ACAD9: variants seen among roughly 807,000 people sequenced by gnomAD.
ACAD9 encodes the protein complex I assembly factor ACAD9, mitochondrial.
In ACAD9, 53 loss-of-function variants were observed where a neutral mutation model predicts 70.2. The ratio of observed to expected loss-of-function variants is 0.75; its 90% CI spans 0.61 to 0.95. The LOEUF (loss-of-function observed/expected upper bound fraction) is 0.95, where lower values mean the gene tolerates loss of function less well. ACAD9 is among the 40% of genes least tolerant of loss of function. The pLI is 0.00. For synonymous variants in ACAD9, 313 were observed against 312.1 expected (o/e 1.00, Z -0.03); for missense variants, 777 against 802.8 (o/e 0.97, Z 0.39).
chr3:128,899,589 G>A, intron 7 of ACAD9, 128 bp downstream of exon 7: 1 of 1,071,012 alleles, frequency 9.3e-7, no homozygotes, highest in African/African-American at 1.6e-5. Flanking sequence ...CCTTGACTCT[G>A]TCCAAATAGC....
intron 12 of ACAD9, 29 bp from the exon 13 acceptor site, chr3:128,908,156 G>T: frequency 1.2e-6 from 2 of 1,611,064 alleles, no homozygotes; most frequent in Non-Finnish European, 1.7e-6. Flanking sequence ...CCGGGGGGCA[G>T]CCTTTGACCT....
At position 128,899,523 on chromosome 3, in the gene ACAD9, GGTGTGTGTGTGTGT is replaced by G. The variant is rs63473460; in HGVS notation, c.808+89_808+102del. 2.9e-3 allele frequency: 3,128 copies of G among 1,068,040 alleles called. 3 individuals are homozygous for G. Among genetic ancestry groups the G allele is most frequent in the South Asian group, 7.6e-3 (474 of 62,418 alleles). The allele number at this position is 1,068,040 out of a possible 1,614,324, so 66.2% of individuals were successfully genotyped here. A position where few individuals can be genotyped will look rare whatever the true frequency, so the allele number is the denominator to read the frequency against. ...TGTAAGGGGGAGACTGGCCTTTGAC[GGTGTGTGTGTGTGT>G]GTGTGTGTGTGTGTGTGTGTGTGTG... On this transcript the variant is annotated intron_variant, in intron 7 of 17. Transcript: ENST00000308982.
At chr3:128,886,381 G>A (rs1490550350) in intron 2 of ACAD9, among the ~76,000 whole-genome samples, 4 of 151,840 alleles carry the variant, frequency 2.6e-5, no homozygotes, top group South Asian at 4.2e-4. Context: ...GATTACAGGC[G>A]TGAGCCACCG....
chr3:128,913,005 T>G lies in ACAD9; in HGVS notation c.*398T>G, dbSNP rs1033279098. The G allele has an allele frequency of 4.3e-6, 2 of 461,096 alleles. No individual in the cohort carries two copies. The highest frequency in any genetic ancestry group is 2.0e-5 in the African/African-American group (1 of 50,240). The allele number at this position is 461,096 out of a possible 1,614,324, so 28.6% of individuals were successfully genotyped here. ...AACCACACATTCTCTAAGAAACAGC[T>G]TGAAAGCTCTGTCTGGGTCATTCAT... On this transcript the variant is annotated 3_prime_UTR_variant, in exon 18 of 18. Coordinates refer to ENST00000308982, the MANE Select transcript of ACAD9 (RefSeq NM_014049.5).
rs778832147 is a variant in ACAD9, at chr3:128,911,967, G to A, written c.1766-540G>A. ...TGCTCTTCCTCTTCTATAGCCACTC[G>A]ACCATATCTAGGAATGCCCAGCTCA... On this transcript the variant is annotated intron_variant, in intron 17 of 17. Coordinates refer to ENST00000308982, the MANE Select transcript of ACAD9 (RefSeq NM_014049.5). 2.6e-5 allele frequency among the ~76,000 whole-genome samples: 4 copies of A among 152,282 alleles called. No homozygotes were observed. In the South Asian group the frequency reaches 8.3e-4, roughly 32 times the overall value.
intron 3 of ACAD9, among the ~76,000 whole-genome samples, chr3:128,894,634 C>G (rs912227628): frequency 2.7e-5 from 4 of 150,726 alleles, no homozygotes; most frequent in African/African-American, 9.8e-5. Flanking sequence ...TCCTCGGGCT[C>G]AAACAATCCT....
At chr3:128,897,743 C>A in intron 6 of ACAD9, 33 bp downstream of exon 6, 1 of 1,594,950 alleles carries the variant, frequency 6.3e-7, no homozygotes, top group Non-Finnish European at 8.6e-7. Flanking sequence ...ACATTAGGGT[C>A]TCAGTCACAA....
At chr3:128,903,558 CT>C (rs1475069397) in intron 9 of ACAD9, among the ~76,000 whole-genome samples, 3 of 152,188 alleles carry the variant, frequency 2.0e-5, no homozygotes, top group Non-Finnish European at 1.5e-5. Context: ...CCATGTCACT[CT>C]TGGGCCCTTA....
At chr3:128,911,035 A>ATGTG (rs375679286) in intron 17 of ACAD9, among the ~76,000 whole-genome samples, 1 of 151,968 alleles carries the variant, frequency 6.6e-6, no homozygotes, top group East Asian at 1.9e-4. Context: ...GTATGTATAT[A>ATGTG]TGTGTGTGTG....
rs531217490 is a variant in ACAD9, at chr3:128,899,481, G to A, written c.808+20G>A. ...CCAACAGTAAGTAGCTCCTGTGCGC[G>A]CGTGCGCGTGTGTGTGTGTAAGGGG... On this transcript the variant is annotated intron_variant, in intron 7 of 17. Coordinates refer to ENST00000308982, the MANE Select transcript of ACAD9 (RefSeq NM_014049.5). 407 of 1,612,568 alleles carry A rather than the reference G, an allele frequency of 2.5e-4. 3 individuals are homozygous for A. In the South Asian group the frequency reaches 2.8e-3, roughly 11 times the overall value.
At chr3:128,894,508 G>A (rs545827237) in intron 3 of ACAD9, among the ~76,000 whole-genome samples, 28 of 151,134 alleles carry the variant, frequency 1.9e-4, no homozygotes, top group African/African-American at 6.1e-4. Flanking sequence ...ACAGAAATGC[G>A]CTTTCTGAGG....
chr3:128,899,496 T>TCTGCCCACCTCGGCCTCCCAAA, intron 7 of ACAD9, 35 bp downstream of exon 7: 1 of 1,607,520 alleles, frequency 6.2e-7, no homozygotes. Context: ...CGCGTGTGTG[T>TCTGCCCACCTCGGCCTCCCAAA]GTGTAAGGGG....
At chr3:128,904,872 C>T (rs767972453) in intron 11 of ACAD9, among the ~76,000 whole-genome samples, 8 of 152,136 alleles carry the variant, frequency 5.3e-5, no homozygotes, top group Admixed American at 2.6e-4. Context: ...TGGCAGGGCG[C>T]GGTGGCTCAC....
intron 2 of ACAD9, among the ~76,000 whole-genome samples, chr3:128,893,184 GAA>G (rs1051870265): frequency 1.5e-5 from 2 of 132,404 alleles, no homozygotes; most frequent in South Asian, 2.4e-4. Context: ...CGTCTCTACT[GAA>G]AAAAAAAAAA....
At chr3:128,909,567 G>A (rs1456189907) in intron 15 of ACAD9, 146 bp downstream of exon 15, 2 of 892,966 alleles carry the variant, frequency 2.2e-6, no homozygotes, top group East Asian at 2.6e-5. Context: ...GTGAGGTCAG[G>A]CTGACTTTGT....
At chr3:128,889,229 G>T (rs1367192276) in intron 2 of ACAD9, among the ~76,000 whole-genome samples, 2 of 151,668 alleles carry the variant, frequency 1.3e-5, no homozygotes, top group African/African-American at 2.4e-5. Context: ...GCCCAGGCTG[G>T]TTTCCAACTC....
rs138150100 is a variant in ACAD9 at position 128,900,221 on chromosome 3, C to A, written c.808+760C>A. On this transcript the variant is annotated intron_variant, in intron 7 of 17. Coordinates refer to ENST00000308982, the MANE Select transcript of ACAD9 (RefSeq NM_014049.5). ...TGCTAGGATTACACGTGTGAGTTACCATACCTGGCCACTTTTTTTTGGTTT... is the reference window on the plus strand; with the variant it reads ...TGCTAGGATTACACGTGTGAGTTACAATACCTGGCCACTTTTTTTTGGTTT... Among the ~76,000 whole-genome samples the A allele has an allele frequency of 1.7e-3, 257 of 152,190 alleles. 1 individual carries two copies. In the East Asian group the frequency reaches 0.019, roughly 11 times the overall value.
intron 1 of ACAD9, among the ~76,000 whole-genome samples, chr3:128,884,207 C>T (rs1935178058): frequency 6.6e-6 from 1 of 152,146 alleles, no homozygotes; most frequent in African/African-American, 2.4e-5. Flanking sequence ...CACTATCTTC[C>T]ACGATTCTCA....
intron 6 of ACAD9, chr3:128,898,610 G>C (rs28401638): frequency 3.2e-6 from 1 of 312,522 alleles, no homozygotes; most frequent in Non-Finnish European, 6.2e-6. Context: ...GTGTTGCCCA[G>C]GTTGGTCTCA....
Sources: allele counts gnomAD v4.1 joint callset (sites outside exome capture counted in the v4.1 genomes callset), GRCh38; gene constraint gnomAD v4.1.1; transcripts MANE v1.5; gene names NCBI Gene and HGNC (gene_info 2026-07-23, HGNC 2026-07-21).